The following WWOX variants were observed in gnomAD, a reference collection of about 807,000 sequenced individuals.
WWOX encodes the protein WW domain containing oxidoreductase, also known as WW domain-containing oxidoreductase.
In WWOX, 69 loss-of-function variants were observed where a neutral mutation model predicts 46.2. The ratio of observed to expected loss-of-function variants is 1.49; its 90% confidence interval spans 1.23 to 1.82. The LOEUF is 1.82. WWOX is among the 40% of genes most tolerant of loss of function. The pLI is 0.00. For missense variants in WWOX, 919 were observed against 542.6 expected (o/e 1.69, Z -6.89); for synonymous variants, 359 against 202.6 (o/e 1.77, Z -6.56).
intron 6 of WWOX, among the ~76,000 whole-genome samples, chr16:78,390,438 G>C (rs759974534): frequency 6.6e-6 from 1 of 152,158 alleles, no homozygotes; most frequent in Non-Finnish European, 1.5e-5. Flanking sequence ...CAGGACTTTG[G>C]AATTTTAGAA....
At chr16:79,041,472 A>G (rs935804850) in intron 8 of WWOX, among the ~76,000 whole-genome samples, 2 of 152,144 alleles carry the variant, frequency 1.3e-5, no homozygotes, top group East Asian at 1.9e-4. Flanking sequence ...CCAGTTTCTC[A>G]TTAGGAACCT....
intron 8 of WWOX, among the ~76,000 whole-genome samples, chr16:78,736,941 C>A (rs16948397): frequency 0.15 from 22,877 of 151,842 alleles, 2,093 homozygotes; most frequent in African/African-American, 0.25. Flanking sequence ...TTGTGTATTG[C>A]GTTATTGCCT....
chr16:78,931,049 T>G (rs2045613890), intron 8 of WWOX, among the ~76,000 whole-genome samples: 1 of 152,164 alleles, frequency 6.6e-6, no homozygotes, highest in Admixed American at 6.5e-5. Context: ...ACATGAGAAA[T>G]GCACATGAAA....
intron 8 of WWOX, among the ~76,000 whole-genome samples, chr16:79,024,433 A>T (rs939151264): frequency 2.0e-5 from 3 of 150,796 alleles, no homozygotes; most frequent in Non-Finnish European, 4.4e-5. Flanking sequence ...TGATTTTTAA[A>T]TTTTTTTTTC....
intron 8 of WWOX, among the ~76,000 whole-genome samples, chr16:78,999,261 G>A (rs991781605): frequency 2.6e-5 from 4 of 151,818 alleles, no homozygotes; most frequent in South Asian, 2.1e-4. Flanking sequence ...ATCTGAGGTC[G>A]GGAGTTCGAG....
At chr16:79,203,856 G>T (rs188129235) in intron 8 of WWOX, 1 of 152,106 alleles carries the variant, frequency 6.6e-6, no homozygotes, top group East Asian at 1.9e-4. Context: ...ACATTTATAC[G>T]CAGTACACGA....
chr16:78,680,059 A>T (rs2047693663), intron 8 of WWOX, among the ~76,000 whole-genome samples: 1 of 152,180 alleles, frequency 6.6e-6, no homozygotes, highest in African/African-American at 2.4e-5. Context: ...TCTCATCTGT[A>T]AAGTAGGGAT....
intron 8 of WWOX, among the ~76,000 whole-genome samples, chr16:78,773,192 T>C (rs1426297715): frequency 6.6e-6 from 1 of 152,084 alleles, no homozygotes; most frequent in Non-Finnish European, 1.5e-5. Context: ...TGCCTAAACA[T>C]TTGTTGGGCA....
intron 5 of WWOX, among the ~76,000 whole-genome samples, chr16:78,316,819 T>C (rs1268669247): frequency 6.6e-6 from 1 of 152,252 alleles, no homozygotes. Context: ...TATTTTTCAA[T>C]GCTGCTTTTT....
chr16:78,462,377 G>A (rs1485752887), intron 8 of WWOX, among the ~76,000 whole-genome samples: 1 of 152,134 alleles, frequency 6.6e-6, no homozygotes. Context: ...GTGATTTAAT[G>A]AAGTGTCTAG....
intron 7 of WWOX, among the ~76,000 whole-genome samples, chr16:78,432,249 A>G (rs368826475): frequency 1.8e-4 from 27 of 151,744 alleles, no homozygotes; most frequent in African/African-American, 6.5e-4. Context: ...TCCCGTGTAC[A>G]GGCATGCCAC....
In WWOX at chr16:78,665,156, G is replaced by A. The variant is rs1256145450; in HGVS notation, c.1056+232404G>A. Among the ~76,000 whole-genome samples the A allele has an allele frequency of 3.9e-5, 6 of 152,236 alleles. No homozygotes were observed. The East Asian group carries it at 7.7e-4, about 20-fold the overall frequency. On this transcript the variant is annotated intron_variant, in intron 8 of 8. Transcript: ENST00000566780. ...TTTGTGGAATTTTCTGTGGTGGTCC[G>A]GGTTCCTGGAGTAGGGAGCTGTGAT...
At chr16:78,749,428 AAGAG>A (rs1405866664) in intron 8 of WWOX, among the ~76,000 whole-genome samples, 1 of 152,202 alleles carries the variant, frequency 6.6e-6, no homozygotes, top group Admixed American at 6.5e-5. Context: ...AAAAGAGAGA[AAGAG>A]AGAGACCCAA....
chr16:78,486,045 C>G (rs149009080), intron 8 of WWOX, among the ~76,000 whole-genome samples: 1 of 152,242 alleles, frequency 6.6e-6, no homozygotes, highest in East Asian at 1.9e-4. Context: ...TATCTGAAAA[C>G]AAAATTTCCT....
intron 8 of WWOX, among the ~76,000 whole-genome samples, chr16:78,619,150 T>A (rs367588377): frequency 0.55 from 1,031 of 1,878 alleles, 306 homozygotes; most frequent in Non-Finnish European, 0.62. Context: ...AAAATATATA[T>A]ATATATATAT....
Position 78,425,025 on chromosome 16 carries a change from G to C in WWOX, c.761G>C (p.Arg254Pro), listed in dbSNP as rs760077691. The C allele has an allele frequency of 1.2e-6, 2 of 1,613,808 alleles. No homozygotes were observed. Among genetic ancestry groups the C allele is most frequent in the African/African-American group, 1.3e-5 (1 of 74,884 alleles). Residue 254 changes from arginine (R) to proline (P), a missense_variant, in exon 7 of 9, where the codon CGT (arginine) becomes CCT (proline). Physicochemically the swap from Arg to Pro is moderately radical, Grantham distance 103. Transcript: ENST00000566780. Reference sequence around the variant, plus strand: ...GTTTTGTGCCGCTCAGCTCCTGCCCGTGTCATTGTGGTCTCCTCAGAGTCC... The same window carrying C: ...GTTTTGTGCCGCTCAGCTCCTGCCCCTGTCATTGTGGTCTCCTCAGAGTCC... ...QDVLCRSAPA[R>P]VIVVSSESHR...
In WWOX at chr16:78,562,266, A is replaced by G. The variant is rs553130367; in HGVS notation, c.1056+129514A>G. Among the ~76,000 whole-genome samples the G allele has an allele frequency of 1.5e-3, 229 of 152,290 alleles. 3 individuals carry two copies. The highest frequency in any genetic ancestry group is 5.3e-3 in the African/African-American group (221 of 41,560). Reference sequence around the variant, plus strand: ...TGGGAATGCTGCCTCTAGCTCTCACACTGCATGCAGAATTCCTACTCTGAG... The same window carrying G: ...TGGGAATGCTGCCTCTAGCTCTCACGCTGCATGCAGAATTCCTACTCTGAG... On this transcript the variant is annotated intron_variant, in intron 8 of 8. Coordinates refer to ENST00000566780, the MANE Select transcript of WWOX (RefSeq NM_016373.4).
At chr16:78,487,944 A>G (rs2084680215) in intron 8 of WWOX, among the ~76,000 whole-genome samples, 1 of 152,128 alleles carries the variant, frequency 6.6e-6, no homozygotes, top group Admixed American at 6.5e-5. Context: ...CAGTATTTCT[A>G]CCCTAGGATC....
intron 4 of WWOX, among the ~76,000 whole-genome samples, chr16:78,116,860 G>A (rs1280233381): frequency 6.6e-6 from 1 of 152,162 alleles, no homozygotes; most frequent in Non-Finnish European, 1.5e-5. Context: ...TAAGATATGT[G>A]ACTACTGATT....
Sources: allele counts gnomAD v4.1 joint callset (sites outside exome capture counted in the v4.1 genomes callset), GRCh38; gene constraint gnomAD v4.1.1; transcripts MANE v1.5; gene names NCBI Gene and HGNC (gene_info 2026-07-23, HGNC 2026-07-21).